The following BCKDHB variants were observed in gnomAD, a reference collection of about 807,000 sequenced individuals.
The protein encoded by BCKDHB is 2-oxoisovalerate dehydrogenase subunit beta, mitochondrial.
BCKDHB carries 41 observed loss-of-function variants against 48.5 expected under a neutral mutation model. The observed-to-expected ratio is 0.85, with a 90% CI of 0.66 to 1.10. The LOEUF (loss-of-function observed/expected upper bound fraction) is 1.10, where lower values mean the gene tolerates loss of function less well. BCKDHB is among the 50% of genes least tolerant of loss of function. The pLI, the probability that BCKDHB is intolerant of heterozygous loss-of-function variation, is 0.00. For synonymous variants in BCKDHB, 201 were observed against 174.8 expected, an observed-to-expected ratio of 1.15 and a Z score of -1.18; for missense variants, 496 against 494.2, an observed-to-expected ratio of 1.00 and a Z score of -0.03.
At chr6:80,121,220 A>G (rs184427747) in intron 1 of BCKDHB, among the ~76,000 whole-genome samples, 3 of 152,254 alleles carry the variant, frequency 2.0e-5, no homozygotes, top group East Asian at 3.9e-4. Flanking sequence ...CCATTGATCT[A>G]TATCTCTGTT....
chr6:80,196,523 G>A (rs553651936), intron 6 of BCKDHB, among the ~76,000 whole-genome samples: 29 of 152,080 alleles, frequency 1.9e-4, no homozygotes, highest in South Asian at 6.2e-4. Flanking sequence ...ACAGTTGAGC[G>A]TGTGCTTCTC....
At chr6:80,376,664 A>C in the BCKDHB span, among the ~76,000 whole-genome samples, 1 of 152,114 alleles carries the variant, frequency 6.6e-6, no homozygotes, top group African/African-American at 2.4e-5. Flanking sequence ...TTTTTCCCAA[A>C]CTCCATTTTC....
At chr6:80,151,431 T>C (rs1326838757) in intron 3 of BCKDHB, among the ~76,000 whole-genome samples, 1 of 151,262 alleles carries the variant, frequency 6.6e-6, no homozygotes, top group Non-Finnish European at 1.5e-5. Flanking sequence ...TTTTTTTTTT[T>C]TGTTTTTTTG....
At chr6:80,329,573 C>G (rs1402401211) in intron 9 of BCKDHB, among the ~76,000 whole-genome samples, 1 of 152,090 alleles carries the variant, frequency 6.6e-6, no homozygotes, top group African/African-American at 2.4e-5. Flanking sequence ...TCTGGTTGTC[C>G]CCTGCTTCCT....
At chr6:80,455,507 A>C in the BCKDHB span, among the ~76,000 whole-genome samples, 5 of 151,340 alleles carry the variant, frequency 3.3e-5, no homozygotes, top group Admixed American at 1.3e-4. Context: ...GTAGCAGACT[A>C]TGCTGAAGTC....
chr6:80,160,625 G>A (rs986632029), intron 3 of BCKDHB, among the ~76,000 whole-genome samples: 4 of 152,192 alleles, frequency 2.6e-5, no homozygotes, highest in African/African-American at 9.6e-5. Context: ...TTAGTATTGT[G>A]TAATGGACAA....
intron 3 of BCKDHB, among the ~76,000 whole-genome samples, chr6:80,136,163 T>A (rs1338359576): frequency 6.6e-6 from 1 of 152,206 alleles, no homozygotes; most frequent in Admixed American, 6.5e-5. Flanking sequence ...TCACTGCTTT[T>A]TTAATTCAGA....
At chr6:80,114,840 G>T (rs1769601427) in intron 1 of BCKDHB, among the ~76,000 whole-genome samples, 1 of 152,140 alleles carries the variant, frequency 6.6e-6, no homozygotes, top group South Asian at 2.1e-4. Context: ...ATAACCATTT[G>T]GGAGTCACCA....
chr6:80,324,208 C>T (rs1007045670), intron 9 of BCKDHB, among the ~76,000 whole-genome samples: 4 of 152,176 alleles, frequency 2.6e-5, no homozygotes, highest in Non-Finnish European at 5.9e-5. Flanking sequence ...GGTTCTCAGT[C>T]CTGGTTATCC....
intron 1 of BCKDHB, among the ~76,000 whole-genome samples, chr6:80,126,784 G>C (rs925250936): frequency 6.6e-6 from 1 of 152,140 alleles, no homozygotes; most frequent in Middle Eastern, 3.2e-3. Context: ...CTAACATTTA[G>C]AACTTTATCA....
At chr6:80,107,461 A>G (rs969106897) in intron 1 of BCKDHB, among the ~76,000 whole-genome samples, 1 of 142,310 alleles carries the variant, frequency 7.0e-6, no homozygotes, top group Non-Finnish European at 1.5e-5. Flanking sequence ...ATCCACACAC[A>G]TATATATATG....
intron 9 of BCKDHB, among the ~76,000 whole-genome samples, chr6:80,325,957 AT>A (rs1394247718): frequency 2.0e-5 from 3 of 152,196 alleles, no homozygotes; most frequent in African/African-American, 7.2e-5. Flanking sequence ...ACTGAATGTA[AT>A]TTGGATTCTG....
intron 8 of BCKDHB, among the ~76,000 whole-genome samples, chr6:80,271,280 G>A (rs1264419353): frequency 6.6e-6 from 1 of 152,072 alleles, no homozygotes; most frequent in Non-Finnish European, 1.5e-5. Context: ...TTTCATGGCT[G>A]CATAATACTC....
At chr6:80,374,183 G>A in the BCKDHB span, 13 of 722,064 alleles carry the variant, frequency 1.8e-5, no homozygotes, top group Admixed American at 1.4e-4. Context: ...GAGCTCTGTA[G>A]GTCTGGCAGC....
intron 6 of BCKDHB, among the ~76,000 whole-genome samples, chr6:80,188,814 G>A (rs949701095): frequency 1.3e-5 from 2 of 152,036 alleles, no homozygotes; most frequent in African/African-American, 4.8e-5. Context: ...ATAAAAAAAG[G>A]TTTTCTGAAA....
intron 8 of BCKDHB, among the ~76,000 whole-genome samples, chr6:80,227,060 GTAAGTTAACACCTCTCTGGA>G (rs1775710964): frequency 6.6e-6 from 1 of 152,148 alleles, no homozygotes. Context: ...AGTTTCTTGA[GTAAGTTAACACCTCTCTGGA>G]TACTTTAGTT....
chr6:80,311,340 C>T (rs112674160), intron 9 of BCKDHB, among the ~76,000 whole-genome samples: 47 of 152,188 alleles, frequency 3.1e-4, no homozygotes, highest in African/African-American at 9.6e-4. Context: ...AATGGGAAAA[C>T]GGACTAATAC....
chr6:80,459,692 C>T, the BCKDHB span, among the ~76,000 whole-genome samples: 56 of 152,208 alleles, frequency 3.7e-4, no homozygotes, highest in East Asian at 8.1e-3. Flanking sequence ...TTGGTACACT[C>T]TCATTGGCCT....
intron 3 of BCKDHB, among the ~76,000 whole-genome samples, chr6:80,130,755 A>G (rs1770586370): frequency 6.6e-6 from 1 of 152,218 alleles, no homozygotes. Context: ...GGAGATAACC[A>G]CTGTACACGT....
Sources: allele counts gnomAD v4.1 joint callset (sites outside exome capture counted in the v4.1 genomes callset), GRCh38; gene constraint gnomAD v4.1.1; transcripts MANE v1.5; gene names NCBI Gene and HGNC (gene_info 2026-07-23, HGNC 2026-07-21).